Variants in STK3 observed in about 807,000 individuals in gnomAD.
STK3 encodes serine/threonine kinase 3.
STK3 carries 41 observed loss-of-function variants against 58.0 expected under a neutral mutation model. The ratio of observed to expected loss-of-function variants is 0.71; its 90% confidence interval spans 0.55 to 0.92. STK3 has a LOEUF of 0.92. STK3 is among the 40% of genes least tolerant of loss of function. The pLI is 0.00. For synonymous variants in STK3, 170 were observed against 191.0 expected (o/e 0.89, Z 0.91); for missense variants, 479 against 602.7 (o/e 0.79, Z 2.15).
Position 98,582,722 on chromosome 8 carries a change from A to G in STK3, c.823-2933T>C, listed in dbSNP as rs945392602. ...GCATTTAATTCTGCTTCATTATTCT[A>G]TCTCATACTGGCGTTACATACTTTT... On this transcript the variant is annotated intron_variant, in intron 7 of 10. Transcript: ENST00000419617. Among the ~76,000 whole-genome samples, 3 of 152,148 alleles carry G rather than the reference A, an allele frequency of 2.0e-5. No homozygotes were observed. The East Asian group carries it at 5.8e-4, about 29-fold the overall frequency.
chr8:98,348,419 G>C, the STK3 span, among the ~76,000 whole-genome samples: 2 of 152,102 alleles, frequency 1.3e-5, no homozygotes, highest in Non-Finnish European at 2.9e-5. Context: ...TTGATAAACT[G>C]GTGTTTACTA....
intron 3 of STK3, among the ~76,000 whole-genome samples, chr8:98,848,600 T>C (rs745542109): frequency 3.9e-5 from 6 of 152,220 alleles, no homozygotes; most frequent in Non-Finnish European, 5.9e-5. Context: ...TGGAATCATA[T>C]AAAATGTGGT....
chr8:98,640,334 G>A (rs1175277791), intron 6 of STK3, among the ~76,000 whole-genome samples: 2 of 152,154 alleles, frequency 1.3e-5, no homozygotes, highest in Non-Finnish European at 2.9e-5. Context: ...ACAGGCTTGA[G>A]CAACTGTGCC....
chr8:98,785,493 G>A (rs1587615944), intron 1 of STK3, among the ~76,000 whole-genome samples: 1 of 152,142 alleles, frequency 6.6e-6, no homozygotes. Context: ...TGACACTTGT[G>A]CTTGCCACTG....
chr8:98,428,501 G>A lies in STK3; in HGVS notation n.483+5626C>T. 3.7e-6 allele frequency: 6 copies of A among 1,614,134 alleles called. No homozygotes were observed. Among genetic ancestry groups the A allele is most frequent in the Non-Finnish European group, 5.1e-6 (6 of 1,180,034 alleles). ...TCGGCAACTTCCGCAGGCAGCTGTG[G>A]CTGGCGCTGGACAACCCCGGCTACT... On this transcript the variant is annotated intron_variant and non_coding_transcript_variant, in intron 3 of 3. Coordinates refer to the STK3 transcript ENST00000517832. The surrounding 1 kb of genome is among the most constrained non-coding windows in gnomAD (Gnocchi z 6.7).
chr8:98,809,137 A>G (rs1834064820), intron 1 of STK3, among the ~76,000 whole-genome samples: 2 of 152,196 alleles, frequency 1.3e-5, no homozygotes, highest in Non-Finnish European at 2.9e-5. Flanking sequence ...ACCTCACCCT[A>G]TGTGCCTTTT....
At chr8:98,894,351 T>A (rs1838371818) in intron 1 of STK3, among the ~76,000 whole-genome samples, 2 of 152,268 alleles carry the variant, frequency 1.3e-5, no homozygotes, top group Non-Finnish European at 2.9e-5. Flanking sequence ...TCCAAAAAAA[T>A]ATCTGAGCCA....
intron 3 of STK3, among the ~76,000 whole-genome samples, chr8:98,426,299 G>C (rs558330494): frequency 6.6e-6 from 1 of 152,168 alleles, no homozygotes; most frequent in Non-Finnish European, 1.5e-5. Flanking sequence ...CCCCTGTGCC[G>C]ACGCATCTTC....
chr8:98,394,484 C>T (rs1465534226), intron 3 of STK3, among the ~76,000 whole-genome samples: 1 of 151,822 alleles, frequency 6.6e-6, no homozygotes, highest in Non-Finnish European at 1.5e-5. Context: ...AATTTGAGAC[C>T]AGCTTGGGCA....
chr8:98,717,290 A>G (rs1439522536), intron 4 of STK3, among the ~76,000 whole-genome samples: 1 of 152,186 alleles, frequency 6.6e-6, no homozygotes, highest in Non-Finnish European at 1.5e-5. Flanking sequence ...CTGATAAGAC[A>G]TTAATATACA....
chr8:98,649,721 A>G (rs1421182309), intron 6 of STK3, among the ~76,000 whole-genome samples: 1 of 152,198 alleles, frequency 6.6e-6, no homozygotes, highest in Non-Finnish European at 1.5e-5. Flanking sequence ...ACATTATGTT[A>G]CCCAATTCCA....
At chr8:98,695,856 G>T (rs892407850) in intron 6 of STK3, among the ~76,000 whole-genome samples, 4 of 152,150 alleles carry the variant, frequency 2.6e-5, no homozygotes, top group Admixed American at 1.3e-4. Context: ...GGCTCTTTTT[G>T]GGTTCCATAT....
chr8:98,907,632 A>G (rs757926342), intron 1 of STK3, among the ~76,000 whole-genome samples: 8 of 152,338 alleles, frequency 5.3e-5, no homozygotes, highest in Non-Finnish European at 1.0e-4. Context: ...CAGATATCTT[A>G]TCATTTCACC....
At chr8:98,415,938 T>A (rs978028456) in intron 3 of STK3, among the ~76,000 whole-genome samples, 1 of 152,226 alleles carries the variant, frequency 6.6e-6, no homozygotes, top group African/African-American at 2.4e-5. Context: ...CCCAGCTGTA[T>A]GCACACAGTC....
At chr8:98,386,994 T>C (rs774977852) in intron 1 of STK3, among the ~76,000 whole-genome samples, 11 of 152,080 alleles carry the variant, frequency 7.2e-5, no homozygotes, top group Non-Finnish European at 1.0e-4. Context: ...TGTAAATGCT[T>C]TACATAATTA....
At chr8:98,474,667 T>C (rs1335471646) in intron 10 of STK3, among the ~76,000 whole-genome samples, 1 of 152,218 alleles carries the variant, frequency 6.6e-6, no homozygotes, top group Non-Finnish European at 1.5e-5. Context: ...CTCTGCCTGA[T>C]GAAGTTCTAT....
At chr8:98,848,694 T>C (rs1215918984) in intron 3 of STK3, among the ~76,000 whole-genome samples, 1 of 152,240 alleles carries the variant, frequency 6.6e-6, no homozygotes, top group Non-Finnish European at 1.5e-5. Context: ...TCTCCTTTTA[T>C]TGCTGGATAA....
intron 4 of STK3, among the ~76,000 whole-genome samples, chr8:98,711,467 A>T (rs1434644686): frequency 2.0e-5 from 3 of 152,244 alleles, no homozygotes; most frequent in South Asian, 4.1e-4. Flanking sequence ...AAACCAAGGC[A>T]CGAGAACTAC....
intron 3 of STK3, among the ~76,000 whole-genome samples, chr8:98,851,448 TCTTGC>T (rs1433449880): frequency 3.3e-5 from 5 of 152,248 alleles, no homozygotes; most frequent in African/African-American, 1.2e-4. Context: ...GAGCATCTTA[TCTTGC>T]CTTCTGTGTT....
Sources: gnomAD v4.1 joint callset for allele counts (sites outside exome capture counted in the v4.1 genomes callset) on GRCh38, gnomAD v4.1.1 for gene constraint, Gnocchi (gnomAD v3.1) non-coding constraint, MANE v1.5 for transcripts, NCBI Gene and HGNC (gene_info 2026-07-23, HGNC 2026-07-21) for gene names.